ZC3H12B: variants seen among roughly 807,000 people sequenced by gnomAD.
ZC3H12B encodes the protein probable ribonuclease ZC3H12B.
ZC3H12B carries 7 observed loss-of-function variants against 43.9 expected under a neutral mutation model. The ratio of observed to expected loss-of-function variants is 0.16; its 90% CI spans 0.09 to 0.30. ZC3H12B has a LOEUF of 0.30. Ranked by LOEUF, ZC3H12B falls within the 10% of genes least tolerant of loss-of-function variation. ZC3H12B has a pLI of 1.00. For missense variants in ZC3H12B, 475 were observed against 670.2 expected (o/e 0.71, Z 3.22); for synonymous variants, 222 against 241.7 (o/e 0.92, Z 0.76).
At chrX:65,119,220 G>A in the ZC3H12B span, among the ~76,000 whole-genome samples, 9 of 111,450 alleles carry the variant, frequency 8.1e-5, no homozygotes, top group South Asian at 3.8e-4. Flanking sequence ...CTGAGGAATC[G>A]CCACACTGAC....
the ZC3H12B span, among the ~76,000 whole-genome samples, chrX:65,324,125 A>G: frequency 4.5e-5 from 5 of 111,778 alleles, 1 homozygote; most frequent in East Asian, 8.4e-4. Flanking sequence ...TTGCAAAAAT[A>G]TTCTCCCATT....
chrX:65,223,557 T>A, the ZC3H12B span, among the ~76,000 whole-genome samples: 1 of 112,484 alleles, frequency 8.9e-6, no homozygotes, highest in African/African-American at 3.2e-5. Context: ...GGGAGAAAGT[T>A]TTTGTAGTCT....
chrX:65,317,320 A>G, the ZC3H12B span, among the ~76,000 whole-genome samples: 7 of 110,631 alleles, frequency 6.3e-5, no homozygotes, highest in African/African-American at 2.3e-4. Context: ...ATTTAAATCA[A>G]TACTAAGATA....
chrX:65,382,236 T>A (rs2066452517), intron 2 of ZC3H12B, among the ~76,000 whole-genome samples: 1 of 109,659 alleles, frequency 9.1e-6, no homozygotes, highest in Admixed American at 9.8e-5. Context: ...CAGCAGCACA[T>A]CAAAAAGCTT....
chrX:65,121,154 G>A, the ZC3H12B span, among the ~76,000 whole-genome samples: 2 of 111,433 alleles, frequency 1.8e-5, no homozygotes, highest in African/African-American at 6.5e-5. Context: ...TCAGGATGAT[G>A]CTGGCCTCAT....
the ZC3H12B span, among the ~76,000 whole-genome samples, chrX:65,360,751 G>A: frequency 8.9e-6 from 1 of 112,121 alleles, no homozygotes; most frequent in African/African-American, 3.2e-5. Context: ...TACAAATAAT[G>A]ATAGCAACTT....
the ZC3H12B span, among the ~76,000 whole-genome samples, chrX:65,254,230 A>G: frequency 8.9e-6 from 1 of 112,494 alleles, no homozygotes; most frequent in Non-Finnish European, 1.9e-5. Context: ...AAACACCTGA[A>G]TGGACACTAA....
the ZC3H12B span, among the ~76,000 whole-genome samples, chrX:65,190,732 T>C: frequency 9.2e-6 from 1 of 108,824 alleles, no homozygotes; most frequent in East Asian, 2.9e-4. Context: ...TATACAATCA[T>C]GTCATCTGCA....
chrX:65,317,625 C>T, the ZC3H12B span, among the ~76,000 whole-genome samples: 21 of 108,803 alleles, frequency 1.9e-4, no homozygotes, highest in East Asian at 2.9e-3. Context: ...TGAGAACATA[C>T]GATGTTTGGG....
At chrX:65,154,618 G>T in the ZC3H12B span, among the ~76,000 whole-genome samples, 2 of 112,150 alleles carry the variant, frequency 1.8e-5, no homozygotes, top group Non-Finnish European at 3.8e-5. Flanking sequence ...GGAGGCAAAG[G>T]CTGGAGGATT....
chrX:65,322,009 T>A, the ZC3H12B span, among the ~76,000 whole-genome samples: 1 of 111,266 alleles, frequency 9.0e-6, no homozygotes, highest in African/African-American at 3.3e-5. Context: ...TTTCCCTATA[T>A]AACAAACCTG....
At chrX:65,079,908 G>A in the ZC3H12B span, among the ~76,000 whole-genome samples, 1 of 111,169 alleles carries the variant, frequency 9.0e-6, no homozygotes, top group African/African-American at 3.3e-5. Flanking sequence ...CCAATAAACA[G>A]AGATATATGA....
chrX:65,277,274 G>A, the ZC3H12B span, among the ~76,000 whole-genome samples: 7 of 111,614 alleles, frequency 6.3e-5, no homozygotes, highest in African/African-American at 2.3e-4. Flanking sequence ...TAGTTGGGGA[G>A]TTCAACACCC....
At chrX:65,218,061 G>A in the ZC3H12B span, among the ~76,000 whole-genome samples, 10 of 112,068 alleles carry the variant, frequency 8.9e-5, no homozygotes, top group South Asian at 3.7e-3. Context: ...TCTAAAAGCA[G>A]CAAAAGAAAA....
At chrX:65,279,233 G>T in the ZC3H12B span, among the ~76,000 whole-genome samples, 1 of 108,621 alleles carries the variant, frequency 9.2e-6, no homozygotes, top group African/African-American at 3.4e-5. Context: ...CAAAGTGGTT[G>T]AAAAGTAATT....
chrX:65,487,823 C>A (rs752164734), upstream of ZC3H12B, among the ~76,000 whole-genome samples: 93 of 112,052 alleles, frequency 8.3e-4, no homozygotes, highest in African/African-American at 2.9e-3. Flanking sequence ...GATGGGGTTC[C>A]TGATATTTTG....
At chrX:65,322,536 A>C in the ZC3H12B span, among the ~76,000 whole-genome samples, 1 of 112,371 alleles carries the variant, frequency 8.9e-6, no homozygotes, top group East Asian at 2.8e-4. Context: ...ATCTTTGTTG[A>C]AAATCAGTTA....
the ZC3H12B span, among the ~76,000 whole-genome samples, chrX:65,154,243 T>TA: frequency 9.0e-6 from 1 of 111,470 alleles, no homozygotes; most frequent in Admixed American, 9.5e-5. Context: ...TAATAAAATT[T>TA]AAAAAAATAA....
the ZC3H12B span, among the ~76,000 whole-genome samples, chrX:65,358,846 G>A: frequency 2.7e-5 from 3 of 111,631 alleles, no homozygotes; most frequent in African/African-American, 9.8e-5. Context: ...CAATGTAGAC[G>A]AAACAGCCCT....
Sources: allele counts gnomAD v4.1 joint callset (sites outside exome capture counted in the v4.1 genomes callset), GRCh38; gene constraint gnomAD v4.1.1; transcripts MANE v1.5; gene names NCBI Gene and HGNC (gene_info 2026-07-23, HGNC 2026-07-21).